MALRD1: variants seen among roughly 807,000 people sequenced by gnomAD.
MALRD1 encodes MAM and LDL receptor class A domain containing 1, also known as MAM and LDL-receptor class A domain-containing protein 1.
In MALRD1, 247 loss-of-function variants were observed where a neutral mutation model predicts 242.1. The observed-to-expected ratio is 1.02, with a 90% CI of 0.92 to 1.13. The LOEUF (loss-of-function observed/expected upper bound fraction) is 1.13. Among genes scored for constraint, MALRD1 ranks in the 50% most tolerant of loss-of-function variants. The pLI is 0.00. For missense variants in MALRD1, 2,989 were observed against 2,533.1 expected (o/e 1.18, Z -3.86); for synonymous variants, 995 against 866.6 (o/e 1.15, Z -2.60).
At position 19,162,148 on chromosome 10, in the gene MALRD1, C is replaced by T. The variant is rs565180968; in HGVS notation, c.1657-3489C>T. On this transcript the variant is annotated intron_variant, in intron 12 of 39. Coordinates refer to ENST00000454679, the MANE Select transcript of MALRD1 (RefSeq NM_001142308.3). The stretch of plus-strand genomic sequence containing the variant: ...AAATAAAACAGCCACACTATTTTCA[C>T]GATTTTGTAGTTATGCTCATTATAA... Among the ~76,000 whole-genome samples, 309 of 152,304 alleles carry T rather than the reference C, an allele frequency of 2.0e-3. 3 individuals are homozygous for T. The highest frequency in any genetic ancestry group is 5.4e-3 in the South Asian group (26 of 4,832).
chr10:19,639,089 C>T lies in MALRD1; in HGVS notation c.6137+23166C>T, dbSNP rs756006422. Among the ~76,000 whole-genome samples the T allele has an allele frequency of 7.9e-5, 12 of 151,874 alleles. No individual in the cohort carries two copies. In the Middle Eastern group the frequency reaches 0.017, roughly 215 times the overall value. The stretch of plus-strand genomic sequence containing the variant: ...TAGGAAATGGAAGTATGGCATGGTC[C>T]AAAAGTTCAGATGTAGAAACACATA... On this transcript the variant is annotated intron_variant, in intron 36 of 39. Coordinates refer to ENST00000454679, the MANE Select transcript of MALRD1 (RefSeq NM_001142308.3).
In MALRD1 at chr10:19,091,717, G is replaced by T. The variant is rs1310715854; in HGVS notation, c.597+3532G>T. 5.6e-5 allele frequency among the ~76,000 whole-genome samples: 5 copies of T among 88,976 alleles called. 2 individuals are homozygous for T. The highest frequency in any genetic ancestry group is 1.1e-4 in the Non-Finnish European group (5 of 45,740). 58.4% of individuals were successfully genotyped at this position (88,976 alleles called of 152,430 possible). A position where few individuals can be genotyped will look rare whatever the true frequency, so the allele number is the denominator to read the frequency against. On this transcript the variant is annotated intron_variant, in intron 4 of 39. Coordinates refer to ENST00000454679, the MANE Select transcript of MALRD1 (RefSeq NM_001142308.3). ...TTTTGGATCTTTCCTGCTTTCTCTT[G>T]TAGGCATTTAGTGCTATAAATTTCC...
intron 11 of MALRD1, among the ~76,000 whole-genome samples, chr10:19,150,395 G>A (rs547128313): frequency 1.3e-5 from 2 of 150,876 alleles, no homozygotes; most frequent in East Asian, 3.9e-4. Flanking sequence ...GGCAATTTAG[G>A]GGGGACTGTC....
chr10:19,540,527 T>G (rs1410060253), intron 32 of MALRD1, among the ~76,000 whole-genome samples: 3 of 152,208 alleles, frequency 2.0e-5, no homozygotes, highest in Non-Finnish European at 4.4e-5. Context: ...GCGTTGATAC[T>G]TATATTCACT....
At chr10:19,612,204 T>G (rs191183823) in intron 35 of MALRD1, among the ~76,000 whole-genome samples, 161 of 152,078 alleles carry the variant, frequency 1.1e-3, no homozygotes, top group Non-Finnish European at 1.9e-3. Context: ...CAATATGTGC[T>G]TTATCATCTT....
intron 24 of MALRD1, among the ~76,000 whole-genome samples, chr10:19,341,464 G>A (rs12782917): frequency 1.9e-5 from 2 of 104,232 alleles, no homozygotes; most frequent in Non-Finnish European, 4.1e-5. Flanking sequence ...GTATATATAT[G>A]TATATATGTA....
intron 29 of MALRD1, among the ~76,000 whole-genome samples, chr10:19,454,431 T>TATATATATATATATATATAATAA (rs1011890675): frequency 7.3e-6 from 1 of 136,712 alleles, no homozygotes; most frequent in Non-Finnish European, 1.6e-5. Context: ...TATATATATA[T>TATATATATATATATATATAATAA]AATTATATGA....
chr10:19,711,542 T>C (rs1476714083), intron 38 of MALRD1, among the ~76,000 whole-genome samples: 1 of 152,056 alleles, frequency 6.6e-6, no homozygotes, highest in Non-Finnish European at 1.5e-5. Flanking sequence ...CAGTCTTTGG[T>C]TTGAAGGTAA....
chr10:19,536,284 G>A (rs1005805627), intron 32 of MALRD1, among the ~76,000 whole-genome samples: 8 of 151,706 alleles, frequency 5.3e-5, no homozygotes, highest in Non-Finnish European at 8.8e-5. Flanking sequence ...TCAGCTTCCC[G>A]CAATTAGGCC....
At chr10:19,453,687 C>A (rs543364309) in intron 29 of MALRD1, among the ~76,000 whole-genome samples, 2 of 151,910 alleles carry the variant, frequency 1.3e-5, no homozygotes, top group Admixed American at 1.3e-4. Flanking sequence ...ACCAGCCTGG[C>A]CAACATGGTG....
intron 28 of MALRD1, among the ~76,000 whole-genome samples, chr10:19,446,677 A>G (rs1256419726): frequency 6.6e-6 from 1 of 152,244 alleles, no homozygotes; most frequent in Non-Finnish European, 1.5e-5. Flanking sequence ...AGTTCCATGC[A>G]TATACTATAT....
At chr10:19,639,802 G>A (rs535332835) in intron 36 of MALRD1, among the ~76,000 whole-genome samples, 5 of 152,244 alleles carry the variant, frequency 3.3e-5, no homozygotes, top group African/African-American at 1.2e-4. Context: ...ACACAACAGG[G>A]CAAGATGTAG....
At chr10:19,397,997 C>G (rs61850946) in intron 28 of MALRD1, among the ~76,000 whole-genome samples, 11,247 of 151,360 alleles carry the variant, frequency 0.074, 515 homozygotes, top group East Asian at 0.15. Context: ...TTCCCATTGT[C>G]TAATCAGATT....
chr10:19,302,658 CA>C (rs1163698957), intron 21 of MALRD1, among the ~76,000 whole-genome samples: 1 of 151,606 alleles, frequency 6.6e-6, no homozygotes, highest in Admixed American at 6.6e-5. Flanking sequence ...TTGGGATGAT[CA>C]AAATGTCCTG....
intron 26 of MALRD1, among the ~76,000 whole-genome samples, chr10:19,359,673 A>G (rs1428793685): frequency 6.6e-6 from 1 of 152,084 alleles, no homozygotes; most frequent in African/African-American, 2.4e-5. Flanking sequence ...AAGCAAAGCA[A>G]GTGAAAAAAA....
chr10:19,325,139 ATTTG>A (rs1173485145), intron 22 of MALRD1, among the ~76,000 whole-genome samples: 2 of 148,314 alleles, frequency 1.3e-5, no homozygotes, highest in African/African-American at 2.5e-5. Context: ...TCATCCCTCT[ATTTG>A]TTTGCTCATT....
intron 5 of MALRD1, among the ~76,000 whole-genome samples, chr10:19,108,800 G>A (rs1200147685): frequency 6.6e-6 from 1 of 151,536 alleles, no homozygotes; most frequent in Admixed American, 6.6e-5. Flanking sequence ...ATTCCTTTTT[G>A]GGCAATATAT....
intron 4 of MALRD1, among the ~76,000 whole-genome samples, chr10:19,096,161 G>T (rs1368588513): frequency 6.6e-6 from 1 of 152,048 alleles, no homozygotes; most frequent in African/African-American, 2.4e-5. Flanking sequence ...ATATCTTGTA[G>T]GTCAAACCTT....
intron 28 of MALRD1, among the ~76,000 whole-genome samples, chr10:19,399,259 T>G (rs1391466403): frequency 6.6e-6 from 1 of 152,224 alleles, no homozygotes; most frequent in Admixed American, 6.5e-5. Context: ...GCTTATTTAC[T>G]GAAAATATTT....
Sources: allele counts gnomAD v4.1 joint callset (sites outside exome capture counted in the v4.1 genomes callset), GRCh38; gene constraint gnomAD v4.1.1; transcripts MANE v1.5; gene names NCBI Gene and HGNC (gene_info 2026-07-23, HGNC 2026-07-21).